The following ZNF106 variants were observed in gnomAD, a reference collection of about 807,000 sequenced individuals.
ZNF106 encodes the protein zinc finger protein 106, also known as SH3-domain binding protein 3.
Under a neutral mutation model 195.1 loss-of-function variants are expected in ZNF106, and 67 were observed. The ratio of observed to expected loss-of-function variants is 0.34; its 90% CI spans 0.28 to 0.42. The LOEUF is 0.42. Among genes scored for constraint, ZNF106 ranks in the 10% least tolerant of loss-of-function variants. The probability of loss-of-function intolerance (pLI) is 1.00; values close to 1 mark genes in which losing one functional copy is unlikely to be tolerated. For missense variants in ZNF106, 2,118 were observed against 2,304.5 expected (o/e 0.92, Z 1.66); for synonymous variants, 784 against 818.6 (o/e 0.96, Z 0.72).
intron 19 of ZNF106, 27 bp downstream of exon 19, chr15:42,421,890 A>G (rs777459651): frequency 8.0e-6 from 12 of 1,508,754 alleles, no homozygotes; most frequent in Middle Eastern, 1.9e-4. Context: ...TCAAAAGCAA[A>G]TATCTTACAT....
At position 42,442,178 on chromosome 15, in the gene ZNF106, C is replaced by G. The variant is rs558676918; in HGVS notation, c.3658G>C (p.Val1220Leu). ...GACATGGGCTCTTGTTTAATCTGAA[C>G]TGATGAGTCTGGAGCAGGGACACTG... is the stretch of plus-strand genomic sequence containing the variant. ...HGSVPAPDSS[V>L]QIKQEPMSPE... The change falls in exon 10 of 22, where the codon GTT becomes CTT. Residue 1220 changes from valine to leucine, a missense_variant. By Grantham distance (32) the Val-to-Leu change is conservative. Transcript: ENST00000564754. 135 of 1,614,028 alleles carry G rather than the reference C, an allele frequency of 8.4e-5. No homozygotes were observed. Among genetic ancestry groups the G allele is most frequent in the Non-Finnish European group, 1.1e-4 (129 of 1,180,016 alleles).
intron 5 of ZNF106, 70 bp from the exon 6 acceptor site, chr15:42,448,775 G>A: frequency 2.0e-6 from 3 of 1,477,972 alleles, no homozygotes; most frequent in Non-Finnish European, 2.7e-6. Context: ...ATTTTTTAAT[G>A]TGCCAGGCTC....
At chr15:42,480,584 C>G (rs2056878507) in intron 1 of ZNF106, among the ~76,000 whole-genome samples, 1 of 152,134 alleles carries the variant, frequency 6.6e-6, no homozygotes. Flanking sequence ...AATTTTTCTA[C>G]TAGTTTTTTT....
At chr15:42,422,647 C>T (rs2054708208) in intron 17 of ZNF106, 27 bp from the exon 18 acceptor site, 4 of 1,578,432 alleles carry the variant, frequency 2.5e-6, no homozygotes, top group African/African-American at 1.4e-5. Context: ...GTAAGAGTCA[C>T]CAGACTGACT....
chr15:42,423,732 A>C (rs1396433274), intron 17 of ZNF106, among the ~76,000 whole-genome samples: 3 of 152,154 alleles, frequency 2.0e-5, no homozygotes, highest in Admixed American at 2.0e-4. Flanking sequence ...ACTTTCTGGA[A>C]GCCTCAGCTG....
chr15:42,466,741 T>G (rs933174276), intron 2 of ZNF106, among the ~76,000 whole-genome samples: 1 of 152,190 alleles, frequency 6.6e-6, no homozygotes, highest in African/African-American at 2.4e-5. Flanking sequence ...ACTTCCCCAG[T>G]GGATTTGTTT....
intron 3 of ZNF106, 94 bp from the exon 4 acceptor site, chr15:42,457,252 C>T (rs1355253189): frequency 1.3e-6 from 2 of 1,564,312 alleles, no homozygotes; most frequent in South Asian, 1.2e-5. Context: ...GGACACTGCA[C>T]ACTTTGGCAC....
chr15:42,423,606 G>A (rs1294768311), intron 17 of ZNF106, among the ~76,000 whole-genome samples: 1 of 152,100 alleles, frequency 6.6e-6, no homozygotes, highest in Non-Finnish European at 1.5e-5. Context: ...TCAAACTCCT[G>A]GCCTCAAGTG....
At chr15:42,483,678 G>A (rs909810147) in intron 1 of ZNF106, among the ~76,000 whole-genome samples, 3 of 152,138 alleles carry the variant, frequency 2.0e-5, no homozygotes, top group South Asian at 2.1e-4. Context: ...TACAAGGCCC[G>A]CTTGACACAA....
chr15:42,426,056 G>A (rs368946839), intron 15 of ZNF106, among the ~76,000 whole-genome samples: 2 of 152,136 alleles, frequency 1.3e-5, no homozygotes, highest in South Asian at 2.1e-4. Context: ...GCGACAGCTG[G>A]GAGCCTACAT....
intron 10 of ZNF106, among the ~76,000 whole-genome samples, chr15:42,440,999 ATATATATATAT>A (rs1250872250): frequency 3.7e-4 from 12 of 32,168 alleles, no homozygotes; most frequent in Non-Finnish European, 7.2e-4. Context: ...AAAAAAAAAA[ATATATATATAT>A]ATATATATAT....
intron 19 of ZNF106, 111 bp from the exon 20 acceptor site, chr15:42,421,243 A>G: frequency 2.1e-6 from 2 of 940,152 alleles, no homozygotes; most frequent in Non-Finnish European, 3.4e-6. Context: ...ACAAACACCT[A>G]AATCAAAACC....
chr15:42,472,035 T>C (rs1595490691), intron 2 of ZNF106, among the ~76,000 whole-genome samples: 1 of 152,312 alleles, frequency 6.6e-6, no homozygotes, highest in East Asian at 1.9e-4. Context: ...ATAATACAGG[T>C]ACTGGCTTTA....
chr15:42,424,215 G>A, intron 16 of ZNF106, 155 bp from the exon 17 acceptor site: 2 of 610,004 alleles, frequency 3.3e-6, no homozygotes, highest in South Asian at 2.3e-5. Context: ...TTTCTCAGCT[G>A]AAACTTACAC....
intron 5 of ZNF106, among the ~76,000 whole-genome samples, chr15:42,449,132 A>C (rs1281483118): frequency 6.6e-6 from 1 of 152,210 alleles, no homozygotes; most frequent in Non-Finnish European, 1.5e-5. Flanking sequence ...CATTATTTCA[A>C]CAAGTACAGA....
chr15:42,414,608 C>G lies in ZNF106; in HGVS notation c.*2696G>C, dbSNP rs1284375351. The G allele has an allele frequency of 6.6e-6, 1 of 152,300 alleles. No individual in the cohort carries two copies. Among genetic ancestry groups the G allele is most frequent in the East Asian group, 1.9e-4 (1 of 5,196 alleles). The allele number at this position is 152,300 out of a possible 1,614,324, so 9.4% of individuals were successfully genotyped here. Reference sequence around the variant, plus strand: ...CAGAGTTCTTACCGATTCTACCACTCTGTAATACTCTCAGAAGTTCCCACA... The same window carrying G: ...CAGAGTTCTTACCGATTCTACCACTGTGTAATACTCTCAGAAGTTCCCACA... On this transcript the variant is annotated 3_prime_UTR_variant, in exon 22 of 22. Transcript: ENST00000564754.
At chr15:42,429,021 T>A (rs987903265) in intron 14 of ZNF106, among the ~76,000 whole-genome samples, 1 of 151,496 alleles carries the variant, frequency 6.6e-6, no homozygotes, top group Admixed American at 6.6e-5. Context: ...CGCCTCGGCC[T>A]CCCTTACATG....
At chr15:42,457,396 G>T in intron 3 of ZNF106, 1 of 1,383,150 alleles carries the variant, frequency 7.2e-7, no homozygotes. Flanking sequence ...GATAAATGTC[G>T]TTTAGGAGGA....
chr15:42,488,520 T>A (rs972389350), intron 1 of ZNF106, among the ~76,000 whole-genome samples: 12 of 152,054 alleles, frequency 7.9e-5, no homozygotes, highest in African/African-American at 2.9e-4. Context: ...AGTAGAGCAT[T>A]CATATGTAAC....
Sources: gnomAD v4.1 joint callset for allele counts (sites outside exome capture counted in the v4.1 genomes callset) on GRCh38, gnomAD v4.1.1 for gene constraint, MANE v1.5 for transcripts, NCBI Gene and HGNC (gene_info 2026-07-23, HGNC 2026-07-21) for gene names.